Variants in BMAL2 observed in about 807,000 individuals in gnomAD.
BMAL2 encodes the protein basic helix-loop-helix ARNT-like protein 2.
chr12:27,338,923 C>G, the BMAL2 span, among the ~76,000 whole-genome samples: 1 of 152,180 alleles, frequency 6.6e-6, no homozygotes, highest in African/African-American at 2.4e-5. Context: ...TCTCTTTCAT[C>G]TTTTCTTTCC....
the BMAL2 span, among the ~76,000 whole-genome samples, chr12:27,350,585 G>C: frequency 1.3e-5 from 2 of 152,194 alleles, no homozygotes; most frequent in Admixed American, 1.3e-4. Context: ...AAACAAGAAG[G>C]GCTGTGTACA....
the BMAL2 span, chr12:27,390,477 T>C: frequency 2.4e-6 from 1 of 424,698 alleles, no homozygotes; most frequent in Non-Finnish European, 4.1e-6. Context: ...TTATTGAAAT[T>C]GTAGTTTGGG....
At chr12:27,359,033 C>T in the BMAL2 span, among the ~76,000 whole-genome samples, 5 of 151,730 alleles carry the variant, frequency 3.3e-5, no homozygotes, top group East Asian at 3.9e-4. Context: ...TCCGTTGTAA[C>T]GCATTACCAC....
the BMAL2 span, among the ~76,000 whole-genome samples, chr12:27,381,633 C>T: frequency 5.3e-5 from 8 of 152,174 alleles, no homozygotes; most frequent in Non-Finnish European, 1.0e-4. Flanking sequence ...TATTATTCGA[C>T]ATGAGATTTG....
the BMAL2 span, among the ~76,000 whole-genome samples, chr12:27,357,109 A>ATATGTATTT: frequency 2.0e-5 from 3 of 152,136 alleles, no homozygotes; most frequent in Non-Finnish European, 4.4e-5. Context: ...GCTGAGTAGT[A>ATATGTATTT]TATGTATTTT....
the BMAL2 span, among the ~76,000 whole-genome samples, chr12:27,362,050 TTC>T: frequency 6.6e-6 from 1 of 152,222 alleles, no homozygotes; most frequent in Non-Finnish European, 1.5e-5. Context: ...TTCGTTTTAT[TTC>T]TGTCTCTGAA....
the BMAL2 span, chr12:27,401,150 C>T: frequency 2.3e-6 from 2 of 879,826 alleles, no homozygotes; most frequent in Non-Finnish European, 3.7e-6. Flanking sequence ...GTCACTCATC[C>T]CCTACCCTGT....
the BMAL2 span, among the ~76,000 whole-genome samples, chr12:27,414,171 C>T: frequency 6.6e-6 from 1 of 152,060 alleles, no homozygotes; most frequent in Non-Finnish European, 1.5e-5. Context: ...CACTTGAACA[C>T]CTAAATGTAT....
the BMAL2 span, among the ~76,000 whole-genome samples, chr12:27,412,201 T>C: frequency 6.6e-6 from 1 of 152,188 alleles, no homozygotes; most frequent in Non-Finnish European, 1.5e-5. Flanking sequence ...GAAATGGAGC[T>C]AAACATTGAC....
the BMAL2 span, chr12:27,423,755 A>G: frequency 6.6e-6 from 1 of 152,108 alleles, no homozygotes; most frequent in African/African-American, 2.4e-5. Flanking sequence ...AAGCCATTTA[A>G]ACTCTGTGCC....
chr12:27,407,093 C>A, the BMAL2 span, among the ~76,000 whole-genome samples: 1 of 152,318 alleles, frequency 6.6e-6, no homozygotes, highest in East Asian at 1.9e-4. Flanking sequence ...ATTCATAAAG[C>A]AAGTCCTTAG....
chr12:27,416,455 C>A, the BMAL2 span, among the ~76,000 whole-genome samples: 4 of 151,990 alleles, frequency 2.6e-5, no homozygotes, highest in South Asian at 2.1e-4. Flanking sequence ...CTACTTAATT[C>A]AATTGAACAA....
the BMAL2 span, among the ~76,000 whole-genome samples, chr12:27,353,569 G>T: frequency 1.3e-5 from 2 of 152,070 alleles, no homozygotes; most frequent in Non-Finnish European, 2.9e-5. Context: ...AACAAAAATA[G>T]ATAAGTGGGA....
chr12:27,333,401 A>G, the BMAL2 span, among the ~76,000 whole-genome samples: 27 of 152,262 alleles, frequency 1.8e-4, no homozygotes, highest in East Asian at 4.4e-3. Flanking sequence ...CATTGGCGAA[A>G]GGGAGCCAGC....
the BMAL2 span, among the ~76,000 whole-genome samples, chr12:27,412,389 G>C: frequency 6.6e-6 from 1 of 152,154 alleles, no homozygotes; most frequent in African/African-American, 2.4e-5. Context: ...GTAAAGTCAA[G>C]TAGTAGAGGA....
chr12:27,383,112 A>C, the BMAL2 span, among the ~76,000 whole-genome samples: 2 of 152,138 alleles, frequency 1.3e-5, no homozygotes, highest in Non-Finnish European at 2.9e-5. Context: ...GTTCACACGC[A>C]TGCGTCCTGA....
the BMAL2 span, chr12:27,385,461 C>G: frequency 1.3e-6 from 2 of 1,543,336 alleles, no homozygotes; most frequent in Non-Finnish European, 1.8e-6. Flanking sequence ...TCCAATAACT[C>G]TTGATGCCTT....
the BMAL2 span, among the ~76,000 whole-genome samples, chr12:27,396,699 C>A: frequency 2.0e-5 from 3 of 152,122 alleles, no homozygotes; most frequent in Non-Finnish European, 4.4e-5. Flanking sequence ...AATATCTTTT[C>A]AAAAAGGAGT....
At chr12:27,423,554 C>T in the BMAL2 span, 1 of 152,168 alleles carries the variant, frequency 6.6e-6, no homozygotes, top group African/African-American at 2.4e-5. Flanking sequence ...TGGTCTCGAT[C>T]TCCTGACCTC....
Sources: gnomAD v4.1 joint callset for allele counts (sites outside exome capture counted in the v4.1 genomes callset) on GRCh38, gnomAD v4.1.1 for gene constraint, MANE v1.5 for transcripts, NCBI Gene and HGNC (gene_info 2026-07-23, HGNC 2026-07-21) for gene names.